The following LIMK2 variants were observed in gnomAD, a reference collection of about 807,000 sequenced individuals.
LIMK2 encodes LIM domain kinase 2.
Under a neutral mutation model 75.7 loss-of-function variants are expected in LIMK2, and 35 were observed. The ratio of observed to expected loss-of-function variants is 0.46; its 90% CI spans 0.35 to 0.61. The LOEUF is 0.61. LIMK2 is among the 20% of genes least tolerant of loss of function. The pLI, the probability that LIMK2 is intolerant of heterozygous loss-of-function variation, is 0.00. For synonymous variants in LIMK2, 301 were observed against 319.2 expected (o/e 0.94, Z 0.61); for missense variants, 623 against 831.0 (o/e 0.75, Z 3.08).
intron 12 of LIMK2, 95 bp from the exon 13 acceptor site, chr22:31,272,434 TC>T: frequency 8.5e-7 from 1 of 1,171,418 alleles, no homozygotes; most frequent in Non-Finnish European, 1.2e-6. Context: ...ACACCTTTTC[TC>T]CCCTTCTCAG....
intron 2 of LIMK2, among the ~76,000 whole-genome samples, chr22:31,240,982 T>C (rs1482552281): frequency 6.6e-6 from 1 of 152,238 alleles, no homozygotes; most frequent in African/African-American, 2.4e-5. Context: ...CCTGCCTGCC[T>C]CTGAGGGTTA....
At chr22:31,265,399 C>T (rs1222114473) in intron 7 of LIMK2, among the ~76,000 whole-genome samples, 1 of 149,954 alleles carries the variant, frequency 6.7e-6, no homozygotes, top group African/African-American at 2.5e-5. Context: ...CTAGCCGGGC[C>T]TGGTGGCACA....
intron 2 of LIMK2, among the ~76,000 whole-genome samples, chr22:31,232,264 A>C (rs1276319153): frequency 2.6e-5 from 4 of 151,874 alleles, no homozygotes; most frequent in East Asian, 1.9e-4. Flanking sequence ...AAAAAAAAAA[A>C]AAAAACAGTA....
chr22:31,271,975 A>G (rs1411591336), intron 12 of LIMK2, among the ~76,000 whole-genome samples: 1 of 152,224 alleles, frequency 6.6e-6, no homozygotes, highest in African/African-American at 2.4e-5. Flanking sequence ...TGGCTCTGCC[A>G]TGAACCCACT....
chr22:31,268,759 G>A (rs1039840533), intron 11 of LIMK2, among the ~76,000 whole-genome samples: 15 of 152,214 alleles, frequency 9.9e-5, no homozygotes, highest in Admixed American at 2.6e-4. Flanking sequence ...GCACTGGGCT[G>A]AGGGATTAAC....
chr22:31,258,782 G>C (rs2048809928), intron 3 of LIMK2: 1 of 386,598 alleles, frequency 2.6e-6, no homozygotes, highest in Non-Finnish European at 4.8e-6. Flanking sequence ...CTGGCAGAGA[G>C]AGGGGCTACC....
At chr22:31,229,626 A>G (rs1322807921) in intron 2 of LIMK2, among the ~76,000 whole-genome samples, 1 of 152,140 alleles carries the variant, frequency 6.6e-6, no homozygotes, top group African/African-American at 2.4e-5. Context: ...TACAGTTACA[A>G]TAAAGGAAAT....
intron 2 of LIMK2, among the ~76,000 whole-genome samples, chr22:31,254,457 T>G (rs1329140947): frequency 6.6e-6 from 1 of 152,210 alleles, no homozygotes; most frequent in South Asian, 2.1e-4. Flanking sequence ...TTGTTAAGGC[T>G]TTGCTCTTCC....
chr22:31,268,453 G>A (rs548112726), intron 11 of LIMK2, among the ~76,000 whole-genome samples: 1 of 152,342 alleles, frequency 6.6e-6, no homozygotes, highest in Non-Finnish European at 1.5e-5. Flanking sequence ...GAGGCAAACT[G>A]TAGCCTGAGA....
chr22:31,227,837 G>A (rs1268515190), intron 2 of LIMK2, among the ~76,000 whole-genome samples: 3 of 152,122 alleles, frequency 2.0e-5, no homozygotes, highest in African/African-American at 7.2e-5. Context: ...GATTCTCTTA[G>A]AGCTAAAAAA....
At position 31,262,313 on chromosome 22, in the gene LIMK2, T is replaced by C. The variant is rs2048849183; in HGVS notation, c.657+74T>C. 2.4e-6 allele frequency: 3 copies of C among 1,233,830 alleles called. No individual in the cohort carries two copies. Among genetic ancestry groups the C allele is most frequent in the East Asian group, 2.3e-5 (1 of 42,916 alleles). 76.4% of individuals were successfully genotyped at this position (1,233,830 alleles called of 1,614,324 possible). The stretch of plus-strand genomic sequence containing the variant: ...TCCTCTGAGAAATCAGGCTGTAGCC[T>C]TTACCTTTTCCTACCCCCAGCCCAT... On this transcript the variant is annotated intron_variant, in intron 6 of 15. Coordinates refer to ENST00000331728, the MANE Select transcript of LIMK2 (RefSeq NM_005569.4). The surrounding 1 kb of genome is among the most constrained non-coding windows in gnomAD (Gnocchi z 5.0).
intron 1 of LIMK2, among the ~76,000 whole-genome samples, chr22:31,223,247 A>C (rs145203336): frequency 1.1e-4 from 16 of 152,282 alleles, no homozygotes; most frequent in Non-Finnish European, 2.1e-4. Flanking sequence ...CAGGTACTAA[A>C]GTATGTGTTG....
rs1203652208 is a variant in LIMK2, at chr22:31,212,420, G to C, written c.12G>C (p.Leu4=). Residue 4 remains leucine, a synonymous_variant, in exon 1 of 16, where the codon CTG becomes CTC. Coordinates refer to ENST00000331728, the MANE Select transcript of LIMK2 (RefSeq NM_005569.4). MSA[L]AGEDVWRCPG... ...GCGCTCCCGGGACCATGTCCGCGCT[G>C]GCGGGTAAGGAAGGGCTGCTCCGCC... The C allele has an allele frequency of 6.7e-6, 9 of 1,336,524 alleles. No homozygotes were observed. In the African/African-American group the frequency reaches 9.0e-5, roughly 13 times the overall value. The allele number at this position is 1,336,524 out of a possible 1,614,324, so 82.8% of individuals were successfully genotyped here.
At chr22:31,278,113 A>G (rs1009985078) in intron 15 of LIMK2, among the ~76,000 whole-genome samples, 184 bp from the exon 16 acceptor site, 1 of 152,078 alleles carries the variant, frequency 6.6e-6, no homozygotes, top group Non-Finnish European at 1.5e-5. Flanking sequence ...AGTGTTACCT[A>G]ATCTTTATAG....
At chr22:31,241,355 A>G (rs911043665) in intron 2 of LIMK2, among the ~76,000 whole-genome samples, 1 of 152,214 alleles carries the variant, frequency 6.6e-6, no homozygotes, top group African/African-American at 2.4e-5. Flanking sequence ...TTAAACAGCA[A>G]CCTTCTCTGT....
intron 9 of LIMK2, among the ~76,000 whole-genome samples, chr22:31,267,323 C>G (rs1364147730): frequency 6.6e-6 from 1 of 152,172 alleles, no homozygotes; most frequent in Non-Finnish European, 1.5e-5. Flanking sequence ...GAAGAGCTCT[C>G]AGGTTATGAG....
At chr22:31,238,350 C>G (rs988706825) in intron 2 of LIMK2, among the ~76,000 whole-genome samples, 4 of 152,136 alleles carry the variant, frequency 2.6e-5, no homozygotes, top group Non-Finnish European at 5.9e-5. Context: ...TAAGTCCATG[C>G]TCACAGAGCA....
chr22:31,269,069 T>G (rs900102246), intron 11 of LIMK2, among the ~76,000 whole-genome samples: 1 of 151,482 alleles, frequency 6.6e-6, no homozygotes. Context: ...TTTGTTTTTT[T>G]TTCCTGTTTC....
At chr22:31,266,848 A>G in intron 8 of LIMK2, 136 bp from the exon 9 acceptor site, 1 of 669,944 alleles carries the variant, frequency 1.5e-6, no homozygotes, top group South Asian at 1.5e-5. Context: ...TGCATCTTCC[A>G]CACATGAACT....
Sources: allele counts gnomAD v4.1 joint callset (sites outside exome capture counted in the v4.1 genomes callset), GRCh38; gene constraint gnomAD v4.1.1; non-coding constraint Gnocchi (gnomAD v3.1); transcripts MANE v1.5; gene names NCBI Gene and HGNC (gene_info 2026-07-23, HGNC 2026-07-21).